The following FHAD1 variants were observed in gnomAD, a reference collection of about 807,000 sequenced individuals.
FHAD1 encodes forkhead associated phosphopeptide binding domain 1.
FHAD1 carries 146 observed loss-of-function variants against 191.3 expected under a neutral mutation model. The observed-to-expected ratio is 0.76, with a 90% CI of 0.67 to 0.88. The LOEUF (loss-of-function observed/expected upper bound fraction) is 0.88, where lower values mean the gene tolerates loss of function less well. FHAD1 is among the 40% of genes least tolerant of loss of function. The pLI is 0.00. For missense variants in FHAD1, 1,635 were observed against 1,785.8 expected (o/e 0.92, Z 1.52); for synonymous variants, 616 against 672.3 (o/e 0.92, Z 1.29).
intron 28 of FHAD1, 64 bp from the exon 29 acceptor site, chr1:15,380,637 C>T: frequency 7.6e-7 from 1 of 1,311,102 alleles, no homozygotes. Context: ...AGTGCTTTAG[C>T]TTCCAGTCAT....
intron 18 of FHAD1, 138 bp from the exon 19 acceptor site, chr1:15,348,897 TGGCCAGG>T: frequency 3.4e-6 from 2 of 594,970 alleles, no homozygotes; most frequent in Non-Finnish European, 5.9e-6. Flanking sequence ...ACTGAAGGGC[TGGCCAGG>T]GGCCCAGGTG....
chr1:15,307,752 A>G (rs902118586), intron 6 of FHAD1, among the ~76,000 whole-genome samples: 9 of 147,596 alleles, frequency 6.1e-5, no homozygotes, highest in Non-Finnish European at 1.3e-4. Flanking sequence ...TTTTTTGGAG[A>G]CGGAGTCTCA....
chr1:15,254,232 T>G (rs1647138499), intron 2 of FHAD1, among the ~76,000 whole-genome samples: 1 of 152,236 alleles, frequency 6.6e-6, no homozygotes. Context: ...TGAACTGGAC[T>G]ATGATATTAG....
At position 15,325,101 on chromosome 1, in the gene FHAD1, T is replaced by C. The variant is rs1293986157; in HGVS notation, c.1473+542T>C. On this transcript the variant is annotated intron_variant, in intron 11 of 33. Transcript: ENST00000688493. This position sits in a 1 kb window ranked among gnomAD's most constrained non-coding sequence, Gnocchi z 4.6. Reference sequence around the variant, plus strand: ...TGATGCTGTGGCCTGAAATCGCCGGTGGCCCTTCCTGGCAAATGTGACACA... The same window carrying C: ...TGATGCTGTGGCCTGAAATCGCCGGCGGCCCTTCCTGGCAAATGTGACACA... 1.3e-5 allele frequency: 2 copies of C among 154,804 alleles called. No homozygotes were observed. Among genetic ancestry groups the C allele is most frequent in the African/African-American group, 4.8e-5 (2 of 41,462 alleles). 9.6% of individuals were successfully genotyped at this position (154,804 alleles called of 1,614,324 possible).
In FHAD1 at chr1:15,328,388, G is replaced by A. The variant is rs1444754825; in HGVS notation, c.1669G>A (p.Glu557Lys). 14 of 1,545,162 alleles carry A rather than the reference G, an allele frequency of 9.1e-6. No individual in the cohort carries two copies. The East Asian group carries it at 2.2e-4, about 24-fold the overall frequency. ...CAACTCCAAGCAGGAGGAGACCACC[G>A]AGAACATCGAGAAGCTGAGGACGTC... Reference protein sequence around the residue: ...LSNSKQEETTENIEKLRTSLD... With the variant: ...LSNSKQEETTKNIEKLRTSLD... Residue 557 changes from glutamate to lysine, a missense_variant, in exon 13 of 34, where the codon GAG (glutamate) becomes AAG (lysine). By Grantham distance (56) the Glu-to-Lys change is moderately conservative. Coordinates refer to ENST00000688493, the MANE Select transcript of FHAD1 (RefSeq NM_001391957.1).
chr1:15,247,271 C>G lies in FHAD1; in HGVS notation c.-139C>G, dbSNP rs753738783. On this transcript the variant is annotated 5_prime_UTR_variant, in exon 1 of 34. Coordinates refer to ENST00000688493, the MANE Select transcript of FHAD1 (RefSeq NM_001391957.1). ...CAGGCCGGCCGGGCGGGCGGGGTGC[C>G]GGGTGCGAGCTGGAGACTCCGCGGG... The G allele has an allele frequency of 1.8e-4, 33 of 182,418 alleles. 2 individuals carry two copies. The South Asian group carries it at 2.2e-3, about 12-fold the overall frequency. The allele number at this position is 182,418 out of a possible 1,614,324, so 11.3% of individuals were successfully genotyped here. A position where few individuals can be genotyped will look rare whatever the true frequency, so the allele number is the denominator to read the frequency against.
chr1:15,328,241 CT>C (rs144888008), intron 12 of FHAD1, 35 bp from the exon 13 acceptor site: 118,205 of 1,153,414 alleles, frequency 0.1, 24 homozygotes, highest in East Asian at 0.21. Context: ...TATGTTACAT[CT>C]TTTTTTTTTT....
rs372488607 is a variant in FHAD1 at position 15,276,791 on chromosome 1, C to CA, written c.300+4275dup. On this transcript the variant is annotated intron_variant, in intron 3 of 33. Coordinates refer to ENST00000688493, the MANE Select transcript of FHAD1 (RefSeq NM_001391957.1). This position sits in a 1 kb window ranked among gnomAD's most constrained non-coding sequence, Gnocchi z 4.7. ...CCTGGGCAACAGAGTGAGACTCTCT[C>CA]AAAAAAAAAAAAAGTATAGCCTAGG... 2.5e-3 allele frequency among the ~76,000 whole-genome samples: 350 copies of CA among 138,782 alleles called. 3 individuals carry two copies. Among genetic ancestry groups the CA allele is most frequent in the Middle Eastern group, 0.023 (6 of 262 alleles). The allele number at this position is 138,782 out of a possible 152,430, so 91.0% of individuals were successfully genotyped here.
In FHAD1 at chr1:15,360,654, C is replaced by T. The variant is rs1020945029; in HGVS notation, c.2913C>T (p.His971=). 4 of 1,551,674 alleles carry T rather than the reference C, an allele frequency of 2.6e-6. No individual in the cohort carries two copies. The African/African-American group carries it at 4.1e-5, about 16-fold the overall frequency. The change falls in exon 22 of 34, where the codon CAC becomes CAT. Residue 971 remains histidine, a synonymous_variant. Transcript: ENST00000688493. ...LEEKLQKVTQ[H]HKKIEGEIAT... ...AGAAACTCCAGAAAGTCACTCAGCA[C>T]CATAAAAAAATAGAAGGCGAGATTG...
Position 15,247,264 on chromosome 1 carries a change from G to A in FHAD1, c.-146G>A. 5.5e-6 allele frequency: 1 copy of A among 181,484 alleles called. No individual in the cohort carries two copies. The allele number at this position is 181,484 out of a possible 1,614,324, so 11.2% of individuals were successfully genotyped here. A position where few individuals can be genotyped will look rare whatever the true frequency, so the allele number is the denominator to read the frequency against. ...GCGTACACAGGCCGGCCGGGCGGGCGGGGTGCCGGGTGCGAGCTGGAGACT... is the reference window on the plus strand; with the variant it reads ...GCGTACACAGGCCGGCCGGGCGGGCAGGGTGCCGGGTGCGAGCTGGAGACT... On this transcript the variant is annotated 5_prime_UTR_variant, in exon 1 of 34. Coordinates refer to ENST00000688493, the MANE Select transcript of FHAD1 (RefSeq NM_001391957.1).
At chr1:15,324,608 T>C (rs1159098542) in intron 11 of FHAD1, 49 bp downstream of exon 11, 1 of 1,344,758 alleles carries the variant, frequency 7.4e-7, no homozygotes, top group East Asian at 2.5e-5. Flanking sequence ...CTCCAATGAT[T>C]GCACCCAAGC....
chr1:15,242,213 A>G (rs1557889347), intron 1 of FHAD1, among the ~76,000 whole-genome samples: 1 of 145,490 alleles, frequency 6.9e-6, no homozygotes, highest in African/African-American at 2.6e-5. Flanking sequence ...AGCCTGGGCA[A>G]CAGAGCAAGA....
At chr1:15,319,228 A>G (rs1675510791) in intron 10 of FHAD1, among the ~76,000 whole-genome samples, 1 of 152,138 alleles carries the variant, frequency 6.6e-6, no homozygotes, top group Admixed American at 6.5e-5. Context: ...CAAATAATCT[A>G]TTTTTCTCCA....
intron 7 of FHAD1, among the ~76,000 whole-genome samples, chr1:15,309,172 C>T (rs775179210): frequency 6.6e-6 from 1 of 152,128 alleles, no homozygotes; most frequent in African/African-American, 2.4e-5. Flanking sequence ...TGGGCCGGAG[C>T]GAAAGCATTT....
intron 2 of FHAD1, among the ~76,000 whole-genome samples, chr1:15,252,146 G>A (rs933506458): frequency 3.9e-5 from 6 of 152,224 alleles, no homozygotes; most frequent in African/African-American, 1.4e-4. Context: ...TTGCAGAGCA[G>A]ATGAGCCCCA....
chr1:15,352,692 C>T (rs1026504888), intron 19 of FHAD1, among the ~76,000 whole-genome samples, 185 bp from the exon 20 acceptor site: 7 of 152,206 alleles, frequency 4.6e-5, no homozygotes, highest in East Asian at 1.9e-4. Context: ...ATATGGCTCC[C>T]GGGTTCTCAC....
chr1:15,383,143 C>T (rs1316511860), intron 31 of FHAD1: 1 of 471,678 alleles, frequency 2.1e-6, no homozygotes, highest in Admixed American at 2.3e-5. Flanking sequence ...CTGAGCCTTG[C>T]TTTCCTCATT....
chr1:15,354,192 A>T (rs1259206455), intron 20 of FHAD1, among the ~76,000 whole-genome samples: 1 of 152,178 alleles, frequency 6.6e-6, no homozygotes, highest in Non-Finnish European at 1.5e-5. Flanking sequence ...TGGGGAATTT[A>T]TTTTAAATGC....
chr1:15,254,506 C>T (rs373649591), intron 2 of FHAD1, among the ~76,000 whole-genome samples: 8,075 of 83,720 alleles, frequency 0.096, 403 homozygotes, highest in African/African-American at 0.27. Context: ...TTTTTGTTCA[C>T]AGTAAGGTGG....
Sources: allele counts gnomAD v4.1 joint callset (sites outside exome capture counted in the v4.1 genomes callset), GRCh38; gene constraint gnomAD v4.1.1; non-coding constraint Gnocchi (gnomAD v3.1); transcripts MANE v1.5; gene names NCBI Gene and HGNC (gene_info 2026-07-23, HGNC 2026-07-21).